Variants in EDA observed in about 807,000 individuals in gnomAD.
The protein encoded by EDA is ectodysplasin-A.
Under a neutral mutation model 23.6 loss-of-function variants are expected in EDA, and 2 were observed. The ratio of observed to expected loss-of-function variants is 0.08; its 90% confidence interval spans 0.03 to 0.27. The LOEUF (loss-of-function observed/expected upper bound fraction) is 0.27. EDA is among the 10% of genes least tolerant of loss of function. The probability of loss-of-function intolerance (pLI) is 1.00; values close to 1 mark genes in which losing one functional copy is unlikely to be tolerated. For synonymous variants in EDA, 131 were observed against 132.0 expected (o/e 0.99, Z 0.05); for missense variants, 229 against 324.2 (o/e 0.71, Z 2.26).
Position 69,993,347 on chromosome X carries a change from A to G in EDA, c.503-29871A>G, listed in dbSNP as rs185109746. 1.0e-3 allele frequency among the ~76,000 whole-genome samples: 116 copies of G among 111,534 alleles called. No individual in the cohort carries two copies. In the East Asian group the frequency reaches 0.024, roughly 23 times the overall value. On this transcript the variant is annotated intron_variant, in intron 2 of 7. Transcript: ENST00000374552. ...TACTAGTAAAGGAACTTTGAGGATC[A>G]GGGGTAGGGATTAACACTGATTAAG...
At chrX:69,738,743 G>T (rs2013352591) in intron 1 of EDA, among the ~76,000 whole-genome samples, 1 of 108,071 alleles carries the variant, frequency 9.3e-6, no homozygotes, top group South Asian at 4.0e-4. Context: ...TTTTTTCATT[G>T]ACCTATTGGT....
chrX:69,975,437 G>A (rs1445856787), intron 2 of EDA, among the ~76,000 whole-genome samples: 1 of 110,383 alleles, frequency 9.1e-6, no homozygotes, highest in East Asian at 2.9e-4. Flanking sequence ...ACATAAAGAT[G>A]GCAACAATAG....
rs2020290374 is a variant in EDA, at chrX:70,038,258, G to C, written c.*2649G>C. On this transcript the variant is annotated 3_prime_UTR_variant, in exon 8 of 8. Transcript: ENST00000374552. The stretch of plus-strand genomic sequence containing the variant: ...TGATAAAGGAAATAGGATCTCCACT[G>C]GACCCTTGATTCATTCTGAACCCTC... 1 of 110,704 alleles carries C rather than the reference G, an allele frequency of 9.0e-6. No individual in the cohort carries two copies. Among genetic ancestry groups the C allele is most frequent in the Admixed American group, 9.7e-5 (1 of 10,336 alleles). 9.1% of individuals were successfully genotyped at this position (110,704 alleles called of 1,213,427 possible).
At chrX:69,868,988 C>T (rs1468777662) in intron 1 of EDA, among the ~76,000 whole-genome samples, 2 of 112,028 alleles carry the variant, frequency 1.8e-5, no homozygotes, top group Non-Finnish European at 3.8e-5. Flanking sequence ...GTGGGAATCA[C>T]CACCCCTGTG....
At chrX:70,008,312 G>T (rs930468344) in intron 2 of EDA, among the ~76,000 whole-genome samples, 2 of 112,095 alleles carry the variant, frequency 1.8e-5, no homozygotes, top group Non-Finnish European at 3.8e-5. Context: ...TCAAATTGTG[G>T]AAGTGCCCTT....
chrX:69,862,651 TGCCCAGTCTA>T (rs2017404346), intron 1 of EDA, among the ~76,000 whole-genome samples: 1 of 111,152 alleles, frequency 9.0e-6, no homozygotes, highest in African/African-American at 3.3e-5. Context: ...CTCTCTATGT[TGCCCAGTCTA>T]GTCAAACTTC....
intron 1 of EDA, among the ~76,000 whole-genome samples, chrX:69,731,766 A>G (rs1450316825): frequency 8.9e-6 from 1 of 111,847 alleles, no homozygotes; most frequent in Admixed American, 9.5e-5. Flanking sequence ...ATTTAATACT[A>G]TAAATGTCCC....
chrX:69,786,175 G>A (rs1348594400), intron 1 of EDA, among the ~76,000 whole-genome samples: 1 of 110,045 alleles, frequency 9.1e-6, no homozygotes, highest in Non-Finnish European at 1.9e-5. Context: ...CTATTTTATT[G>A]TCTCTTTTTT....
intron 2 of EDA, among the ~76,000 whole-genome samples, chrX:70,018,058 C>A (rs759856985): frequency 5.4e-5 from 6 of 111,412 alleles, no homozygotes; most frequent in Non-Finnish European, 1.9e-5. Context: ...ACACCAGCAA[C>A]ATCCAAGCTG....
intron 1 of EDA, among the ~76,000 whole-genome samples, chrX:69,621,671 G>A (rs985109074): frequency 1.8e-5 from 2 of 111,675 alleles, no homozygotes; most frequent in Admixed American, 9.5e-5. Context: ...TTTTGGATCT[G>A]GTGTTTTTTG....
intron 1 of EDA, among the ~76,000 whole-genome samples, chrX:69,861,505 G>A (rs1416169971): frequency 9.0e-6 from 1 of 111,609 alleles, no homozygotes; most frequent in Non-Finnish European, 1.9e-5. Context: ...TATAGAAAAA[G>A]TGGGAGAAAT....
chrX:69,885,743 T>C (rs1321396792), intron 1 of EDA, among the ~76,000 whole-genome samples: 1 of 111,483 alleles, frequency 9.0e-6, no homozygotes, highest in Non-Finnish European at 1.9e-5. Context: ...ATAACATACT[T>C]ACTAACCTTT....
chrX:69,678,539 A>T (rs1370235663), intron 1 of EDA, among the ~76,000 whole-genome samples: 12 of 110,620 alleles, frequency 1.1e-4, no homozygotes, highest in East Asian at 2.8e-4. Context: ...GTCCTTCACA[A>T]CCCTTGTAAG....
chrX:69,718,980 G>C (rs755714747), intron 1 of EDA, among the ~76,000 whole-genome samples: 58 of 111,661 alleles, frequency 5.2e-4, no homozygotes, highest in Admixed American at 1.6e-3. Flanking sequence ...TATTTTGATA[G>C]TTACAAGTCT....
chrX:70,031,849 T>C (rs1297138043), intron 6 of EDA, among the ~76,000 whole-genome samples: 2 of 112,354 alleles, frequency 1.8e-5, no homozygotes, highest in Non-Finnish European at 3.8e-5. Flanking sequence ...ATGGATAGTG[T>C]TTATTCTGTG....
intron 1 of EDA, among the ~76,000 whole-genome samples, chrX:69,802,397 AAAC>A (rs1422531869): frequency 7.3e-5 from 8 of 110,125 alleles, no homozygotes; most frequent in Non-Finnish European, 1.5e-4. Flanking sequence ...TAAAAATTAT[AAAC>A]AAATTCAAGA....
chrX:69,752,450 T>G lies in EDA; in HGVS notation c.396+135746T>G, dbSNP rs767956324. ...GCCAGCCTGATCCTGGTGGATAAGC[T>G]TTTTGATGTGCTGCTGGATTCAGTT... On this transcript the variant is annotated intron_variant, in intron 1 of 7. Transcript: ENST00000374552. Among the ~76,000 whole-genome samples, 180 of 111,915 alleles carry G rather than the reference T, an allele frequency of 1.6e-3. 1 individual carries two copies. The highest frequency in any genetic ancestry group is 2.4e-3 in the Non-Finnish European group (127 of 53,207).
intron 1 of EDA, among the ~76,000 whole-genome samples, chrX:69,637,113 C>G (rs1932785929): frequency 8.9e-6 from 1 of 111,738 alleles, no homozygotes; most frequent in African/African-American, 3.3e-5. Context: ...CTAATAATCT[C>G]ACTAAGAAGA....
intron 1 of EDA, among the ~76,000 whole-genome samples, chrX:69,761,904 T>C (rs1427359058): frequency 9.0e-6 from 1 of 111,533 alleles, no homozygotes; most frequent in Non-Finnish European, 1.9e-5. Flanking sequence ...AGAGTGACTA[T>C]GCGTTGAATT....
Sources: allele counts gnomAD v4.1 joint callset (sites outside exome capture counted in the v4.1 genomes callset), GRCh38; gene constraint gnomAD v4.1.1; transcripts MANE v1.5; gene names NCBI Gene and HGNC (gene_info 2026-07-23, HGNC 2026-07-21).